CHRNA7: variants seen among roughly 807,000 people sequenced by gnomAD.
CHRNA7 encodes the protein neuronal acetylcholine receptor subunit alpha-7.
Under a neutral mutation model 48.0 loss-of-function variants are expected in CHRNA7, and 17 were observed. The ratio of observed to expected loss-of-function variants is 0.35; its 90% CI spans 0.24 to 0.53. The LOEUF is 0.53. Among genes scored for constraint, CHRNA7 ranks in the 20% least tolerant of loss-of-function variants. The probability of loss-of-function intolerance (pLI) is 0.92; values close to 1 mark genes in which losing one functional copy is unlikely to be tolerated. For missense variants in CHRNA7, 155 were observed against 577.7 expected, an observed-to-expected ratio of 0.27 and a Z score of 7.50; for synonymous variants, 75 against 242.3, an observed-to-expected ratio of 0.31 and a Z score of 6.41.
At chr15:32,068,913 A>G (rs2050010002) in intron 2 of CHRNA7, among the ~76,000 whole-genome samples, 1 of 152,226 alleles carries the variant, frequency 6.6e-6, no homozygotes, top group African/African-American at 2.4e-5. Context: ...AAATAGTTGA[A>G]GACTTCGGTA....
chr15:32,091,614 C>G (rs1470466392), intron 2 of CHRNA7, among the ~76,000 whole-genome samples: 2 of 152,182 alleles, frequency 1.3e-5, no homozygotes, highest in Non-Finnish European at 2.9e-5. Flanking sequence ...GGCCAATGGT[C>G]TCTTCAAATT....
intron 2 of CHRNA7, among the ~76,000 whole-genome samples, chr15:32,075,920 A>G (rs995892057): frequency 6.6e-6 from 1 of 152,082 alleles, no homozygotes; most frequent in South Asian, 2.1e-4. Context: ...ATTTTTAAAA[A>G]TTATCTTGAT....
intron 4 of CHRNA7, among the ~76,000 whole-genome samples, chr15:32,120,013 C>T (rs1397472801): frequency 6.6e-6 from 1 of 152,206 alleles, no homozygotes; most frequent in Non-Finnish European, 1.5e-5. Context: ...GTCTTCAGCA[C>T]CCTGGAGCCA....
intron 9 of CHRNA7, 166 bp downstream of exon 9, chr15:32,163,501 G>A: frequency 4.4e-6 from 1 of 229,028 alleles, no homozygotes; most frequent in Non-Finnish European, 8.6e-6. Context: ...CCAGGCTGGA[G>A]TGCAGTGGTG....
intron 4 of CHRNA7, among the ~76,000 whole-genome samples, chr15:32,142,500 G>A (rs1037110093): frequency 4.0e-5 from 6 of 151,842 alleles, no homozygotes; most frequent in East Asian, 1.9e-4. Context: ...AAATGGTACC[G>A]GCTCCTCTGT....
intron 4 of CHRNA7, among the ~76,000 whole-genome samples, chr15:32,145,793 C>T (rs1044647559): frequency 5.9e-5 from 9 of 152,302 alleles, no homozygotes; most frequent in South Asian, 2.1e-4. Flanking sequence ...AGTATTTGGG[C>T]GGGAGTGTAC....
chr15:32,070,492 A>G (rs1277904702), intron 2 of CHRNA7, among the ~76,000 whole-genome samples: 2 of 151,694 alleles, frequency 1.3e-5, no homozygotes, highest in African/African-American at 4.8e-5. Context: ...GTCTAATTTT[A>G]TTTTTCTTCT....
At chr15:32,074,427 C>A (rs28781659) in intron 2 of CHRNA7, among the ~76,000 whole-genome samples, 3,422 of 148,916 alleles carry the variant, frequency 0.023, 121 homozygotes, top group African/African-American at 0.08. Context: ...GTAGAGAGAG[C>A]AAACGTCTTT....
chr15:32,114,041 T>TATATATATATACAC (rs1429466494), intron 4 of CHRNA7, among the ~76,000 whole-genome samples: 1 of 70,254 alleles, frequency 1.4e-5, no homozygotes, highest in Non-Finnish European at 2.6e-5. Flanking sequence ...TATATATATA[T>TATATATATATACAC]ATGTATATAT....
intron 4 of CHRNA7, among the ~76,000 whole-genome samples, chr15:32,127,570 A>G (rs919174679): frequency 6.6e-6 from 1 of 151,996 alleles, no homozygotes; most frequent in African/African-American, 2.4e-5. Context: ...ACATCTTACT[A>G]TGTGGTGGTT....
At position 32,142,054 on chromosome 15, in the gene CHRNA7, G is replaced by T. The variant is rs564688330; in HGVS notation, c.351-11853G>T. 5.9e-5 allele frequency among the ~76,000 whole-genome samples: 9 copies of T among 152,242 alleles called. No homozygotes were observed. In the South Asian group the frequency reaches 1.2e-3, roughly 21 times the overall value. On this transcript the variant is annotated intron_variant, in intron 4 of 9. Coordinates refer to ENST00000306901, the MANE Select transcript of CHRNA7 (RefSeq NM_000746.6). ...CTATTCAGTATGATATTGGCTGGGG[G>T]TTTGCCATAAATAGCTCTTATTATT...
At chr15:32,093,006 T>G (rs913294484) in intron 2 of CHRNA7, among the ~76,000 whole-genome samples, 1 of 152,212 alleles carries the variant, frequency 6.6e-6, no homozygotes, top group African/African-American at 2.4e-5. Context: ...TATAGGTGTT[T>G]GCTTTTAGTC....
intron 2 of CHRNA7, among the ~76,000 whole-genome samples, chr15:32,031,680 C>T (rs1901849247): frequency 3.3e-5 from 5 of 152,234 alleles, no homozygotes. Flanking sequence ...GCCATCAGTT[C>T]CGTGGGTCTC....
At chr15:32,102,564 TG>T (rs1217572582) in intron 3 of CHRNA7, 1 of 131,394 alleles carries the variant, frequency 7.6e-6, no homozygotes, top group Non-Finnish European at 1.7e-5. Flanking sequence ...AGTTTGCTAT[TG>T]TTATTGGTAT....
At chr15:32,123,032 A>G (rs984093906) in intron 4 of CHRNA7, among the ~76,000 whole-genome samples, 36 of 152,240 alleles carry the variant, frequency 2.4e-4, no homozygotes, top group Admixed American at 6.5e-5. Flanking sequence ...TTAAATATGT[A>G]AAGACTCAAG....
At chr15:32,077,100 G>T (rs930411017) in intron 2 of CHRNA7, among the ~76,000 whole-genome samples, 1 of 151,566 alleles carries the variant, frequency 6.6e-6, no homozygotes. Flanking sequence ...TGCATTTAAA[G>T]TTCCTCCATG....
chr15:32,082,819 A>T (rs1436998957), intron 2 of CHRNA7, among the ~76,000 whole-genome samples: 2 of 152,176 alleles, frequency 1.3e-5, no homozygotes, highest in East Asian at 3.9e-4. Flanking sequence ...ACTGTTTTTT[A>T]GTATAATTTC....
At chr15:32,059,402 A>G (rs952400668) in intron 2 of CHRNA7, among the ~76,000 whole-genome samples, 3 of 152,128 alleles carry the variant, frequency 2.0e-5, no homozygotes. Context: ...TTTTTTTGGC[A>G]TTTGATATGT....
intron 2 of CHRNA7, among the ~76,000 whole-genome samples, chr15:32,061,583 G>A (rs1392658956): frequency 6.6e-6 from 1 of 152,126 alleles, no homozygotes; most frequent in Non-Finnish European, 1.5e-5. Flanking sequence ...CGAGGGGGGT[G>A]AATCACTTGA....
Sources: gnomAD v4.1 joint callset for allele counts (sites outside exome capture counted in the v4.1 genomes callset) on GRCh38, gnomAD v4.1.1 for gene constraint, MANE v1.5 for transcripts, NCBI Gene and HGNC (gene_info 2026-07-23, HGNC 2026-07-21) for gene names.